WASL: variants seen among roughly 807,000 people sequenced by gnomAD.
WASL encodes the protein WASP like actin nucleation promoting factor, also known as actin nucleation-promoting factor WASL.
In WASL, 20 loss-of-function variants were observed where a neutral mutation model predicts 55.5. The ratio of observed to expected loss-of-function variants is 0.36; its 90% CI spans 0.25 to 0.52. The LOEUF is 0.52. Among genes scored for constraint, WASL ranks in the 20% least tolerant of loss-of-function variants. The pLI is 0.92. For missense variants in WASL, 504 were observed against 622.5 expected (o/e 0.81, Z 2.03); for synonymous variants, 249 against 217.6 (o/e 1.14, Z -1.27).
chr7:123,709,515 C>A (rs571854044), intron 1 of WASL, among the ~76,000 whole-genome samples: 2 of 152,128 alleles, frequency 1.3e-5, no homozygotes, highest in South Asian at 2.1e-4. Context: ...AATATAGCCT[C>A]ATTTGTTATT....
chr7:123,696,459 C>T (rs1384100053), intron 6 of WASL, 120 bp downstream of exon 6: 1 of 906,972 alleles, frequency 1.1e-6, no homozygotes, highest in Non-Finnish European at 1.5e-6. Flanking sequence ...AAACGGTATC[C>T]AAGTGATGAA....
intron 1 of WASL, among the ~76,000 whole-genome samples, chr7:123,721,719 C>T (rs6950373): frequency 0.43 from 65,686 of 151,840 alleles, 14,758 homozygotes; most frequent in South Asian, 0.66. Flanking sequence ...TGAGGACCAG[C>T]ATGTCCAACA....
rs1244168613 is a variant in WASL, at chr7:123,682,499, ACT to A, written c.*2018_*2019del. 10 of 152,122 alleles carry A rather than the reference ACT, an allele frequency of 6.6e-5. No individual in the cohort carries two copies. Among genetic ancestry groups the A allele is most frequent in the African/African-American group, 2.4e-4 (10 of 41,424 alleles). 9.4% of individuals were successfully genotyped at this position (152,122 alleles called of 1,614,324 possible). A position where few individuals can be genotyped will look rare whatever the true frequency, so the allele number is the denominator to read the frequency against. On this transcript the variant is annotated 3_prime_UTR_variant, in exon 11 of 11. Coordinates refer to ENST00000223023, the MANE Select transcript of WASL (RefSeq NM_003941.4). ...TGTGCTTTGAACTCGAAGAATGGGT[ACT>A]CTCTGCTGAGAGAAGTTCCTGATAA...
intron 10 of WASL, among the ~76,000 whole-genome samples, chr7:123,688,650 C>G (rs2116764802): frequency 6.6e-6 from 1 of 152,302 alleles, no homozygotes; most frequent in Admixed American, 6.5e-5. Context: ...GTGTGAGTCA[C>G]CGCACCCAGC....
rs1225869907 is a variant in WASL, at chr7:123,704,669, T to G, written c.437-12A>C. 4.2e-6 allele frequency: 6 copies of G among 1,442,460 alleles called. No homozygotes were observed. The highest frequency in any genetic ancestry group is 5.7e-6 in the Non-Finnish European group (6 of 1,056,600). The allele number at this position is 1,442,460 out of a possible 1,614,324, so 89.4% of individuals were successfully genotyped here. On this transcript the variant is annotated splice_polypyrimidine_tract_variant and intron_variant, in intron 4 of 10. Transcript: ENST00000223023. ...ATCTCGTCTTTTCTCTGTTAGAAAA[T>G]AAATTAGAAGAATATTATTAAATAT...
intron 9 of WASL, 28 bp from the exon 10 acceptor site, chr7:123,689,178 G>A (rs367940048): frequency 7.6e-6 from 12 of 1,573,404 alleles, no homozygotes; most frequent in Admixed American, 1.7e-5. Context: ...GCAAAACTCA[G>A]TAATAAATCT....
rs1035571687 is a variant in WASL, at chr7:123,745,063, T to C, written c.117+3555A>G. ...AGAGTCTCATTAACATTTAGGCATA[T>C]TTGCAGCGAATGAGAATAAAAATAT... On this transcript the variant is annotated intron_variant, in intron 1 of 10. Coordinates refer to ENST00000223023, the MANE Select transcript of WASL (RefSeq NM_003941.4). 2.0e-5 allele frequency among the ~76,000 whole-genome samples: 3 copies of C among 152,168 alleles called. No individual in the cohort carries two copies. In the South Asian group the frequency reaches 6.2e-4, roughly 32 times the overall value.
chr7:123,726,665 G>A (rs905588669), intron 1 of WASL, among the ~76,000 whole-genome samples: 1 of 152,170 alleles, frequency 6.6e-6, no homozygotes, highest in African/African-American at 2.4e-5. Flanking sequence ...AGGAGTTCAA[G>A]ACCAGCCTGG....
chr7:123,744,811 T>C (rs1288844139), intron 1 of WASL, among the ~76,000 whole-genome samples: 2 of 152,182 alleles, frequency 1.3e-5, no homozygotes, highest in Admixed American at 6.5e-5. Context: ...AGGCAACAGA[T>C]CTAACTACAA....
At chr7:123,698,236 G>A (rs1163978166) in intron 5 of WASL, among the ~76,000 whole-genome samples, 1 of 151,802 alleles carries the variant, frequency 6.6e-6, no homozygotes, top group Admixed American at 6.6e-5. Context: ...ATCAATAAAT[G>A]GCAAATAGAA....
intron 1 of WASL, 97 bp from the exon 2 acceptor site, chr7:123,709,320 G>T: frequency 1.0e-6 from 1 of 987,008 alleles, no homozygotes; most frequent in Non-Finnish European, 1.4e-6. Flanking sequence ...CAGCTAAGCT[G>T]CTCCTAAATT....
intron 8 of WASL, 89 bp downstream of exon 8, chr7:123,694,626 G>T: frequency 7.2e-7 from 1 of 1,381,600 alleles, no homozygotes; most frequent in Non-Finnish European, 1.0e-6. Flanking sequence ...TCAAGGAAGG[G>T]TTCACATGTA....
At chr7:123,718,815 T>G (rs1260784038) in intron 1 of WASL, among the ~76,000 whole-genome samples, 3 of 152,242 alleles carry the variant, frequency 2.0e-5, no homozygotes, top group Non-Finnish European at 4.4e-5. Flanking sequence ...ATCTTACTGT[T>G]AGAAAATTTT....
intron 5 of WASL, among the ~76,000 whole-genome samples, chr7:123,702,097 C>T (rs1246055758): frequency 6.6e-6 from 1 of 151,924 alleles, no homozygotes; most frequent in Non-Finnish European, 1.5e-5. Context: ...TCTTTTTGCC[C>T]AGGCTGGAGT....
At position 123,748,817 on chromosome 7, in the gene WASL, GCGGGGA is replaced by G; in HGVS notation, c.-89_-84del. 1 of 1,217,328 alleles carries G rather than the reference GCGGGGA, an allele frequency of 8.2e-7. No homozygotes were observed. Among genetic ancestry groups the G allele is most frequent in the Non-Finnish European group, 1.1e-6 (1 of 896,858 alleles). 75.4% of individuals were successfully genotyped at this position (1,217,328 alleles called of 1,614,324 possible). On this transcript the variant is annotated 5_prime_UTR_variant, in exon 1 of 11. Coordinates refer to ENST00000223023, the MANE Select transcript of WASL (RefSeq NM_003941.4). ...CTCGTTCCCCCTCTCGGTGACAGGG[GCGGGGA>G]GAAGTGGAGTCAGAGGCGCCACATC...
chr7:123,706,285 C>T lies in WASL; in HGVS notation c.428G>A (p.Arg143Lys). The T allele has an allele frequency of 1.2e-6, 2 of 1,613,108 alleles. No individual in the cohort carries two copies. Among genetic ancestry groups the T allele is most frequent in the East Asian group, 2.2e-5 (1 of 44,828 alleles). Residue 143 changes from arginine to lysine, a missense_variant, in exon 4 of 11, where the codon AGG becomes AAG. Transcript: ENST00000223023. ...AATTAAAAAAGGGTTACCAGATTTC[C>T]TTTGTCGACGGCCCAAAAGGTCTGT... Reference protein sequence around the residue: ...AVTDLLGRRQRKSEKRRDPPN... With the variant: ...AVTDLLGRRQKKSEKRRDPPN...
chr7:123,727,935 A>T (rs1804079087), intron 1 of WASL, among the ~76,000 whole-genome samples: 1 of 152,226 alleles, frequency 6.6e-6, no homozygotes, highest in Non-Finnish European at 1.5e-5. Flanking sequence ...AGCTAGATAA[A>T]TTGGAAAGAA....
At chr7:123,720,352 A>C (rs956124995) in intron 1 of WASL, 1 of 444,416 alleles carries the variant, frequency 2.3e-6, no homozygotes, top group Admixed American at 2.5e-5. Flanking sequence ...TGCAAAAAAA[A>C]AAAAAAAAAG....
At position 123,684,559 on chromosome 7, in the gene WASL, T is replaced by A; in HGVS notation, c.1478A>T (p.Asp493Val). The change falls in exon 11 of 11, where the codon GAT (aspartate) becomes GTT (valine). Residue 493 changes from aspartate (D) to valine (V), a missense_variant. Transcript: ENST00000223023. The part of the protein sequence containing the change: ...HSSDEDEDED[D>V]EEDFEDDDEW... The stretch of plus-strand genomic sequence containing the variant: ...ATCATCATCCTCAAAATCTTCTTCA[T>A]CATCTTCATCTTCATCTTCATCTAC... 1 of 1,412,582 alleles carries A rather than the reference T, an allele frequency of 7.1e-7. No individual in the cohort carries two copies. Among genetic ancestry groups the A allele is most frequent in the Non-Finnish European group, 9.7e-7 (1 of 1,028,382 alleles). 87.5% of individuals were successfully genotyped at this position (1,412,582 alleles called of 1,614,324 possible).
Sources: gnomAD v4.1 joint callset for allele counts (sites outside exome capture counted in the v4.1 genomes callset) on GRCh38, gnomAD v4.1.1 for gene constraint, MANE v1.5 for transcripts, NCBI Gene and HGNC (gene_info 2026-07-23, HGNC 2026-07-21) for gene names.